Variants in PPM1E observed in about 807,000 individuals in gnomAD.
PPM1E encodes protein phosphatase, Mg2+/Mn2+ dependent 1E.
PPM1E carries 20 observed loss-of-function variants against 65.9 expected under a neutral mutation model. That is an observed-to-expected ratio of 0.30 (90% CI 0.21 to 0.44). The LOEUF (loss-of-function observed/expected upper bound fraction) is 0.44, where lower values mean the gene tolerates loss of function less well. PPM1E is among the 20% of genes least tolerant of loss of function. The pLI is 1.00. For synonymous variants in PPM1E, 352 were observed against 374.9 expected (o/e 0.94, Z 0.70); for missense variants, 713 against 953.1 (o/e 0.75, Z 3.32).
chr17:58,791,917 T>G (rs1406542130), intron 1 of PPM1E, among the ~76,000 whole-genome samples: 1 of 152,156 alleles, frequency 6.6e-6, no homozygotes, highest in Non-Finnish European at 1.5e-5. Flanking sequence ...TCTGCTTAAT[T>G]TCTTTCATTT....
intron 1 of PPM1E, among the ~76,000 whole-genome samples, chr17:58,816,208 T>A (rs1037235711): frequency 1.3e-5 from 2 of 151,906 alleles, no homozygotes; most frequent in African/African-American, 4.8e-5. Context: ...GTATTTTTAG[T>A]AGAGTTGGGG....
chr17:58,915,901 C>A (rs1039398526), intron 1 of PPM1E, among the ~76,000 whole-genome samples: 37 of 152,304 alleles, frequency 2.4e-4, no homozygotes, highest in Middle Eastern at 3.4e-3. Context: ...GGCTAATTCA[C>A]TTAACTCAAT....
chr17:58,838,240 G>A (rs1421515500), intron 1 of PPM1E, among the ~76,000 whole-genome samples: 1 of 152,074 alleles, frequency 6.6e-6, no homozygotes, highest in Non-Finnish European at 1.5e-5. Context: ...GGAGTTAAAA[G>A]GTAAGTCACA....
intron 1 of PPM1E, among the ~76,000 whole-genome samples, chr17:58,777,283 AG>A (rs997561036): frequency 6.6e-6 from 1 of 152,218 alleles, no homozygotes; most frequent in African/African-American, 2.4e-5. Flanking sequence ...AGCATAATTA[AG>A]ATATTTTTAT....
At chr17:58,963,411 G>A (rs1420042582) in intron 2 of PPM1E, among the ~76,000 whole-genome samples, 6 of 147,142 alleles carry the variant, frequency 4.1e-5, no homozygotes, top group African/African-American at 1.0e-4. Context: ...AAACTTGGCC[G>A]GGCACAGTGG....
intron 1 of PPM1E, among the ~76,000 whole-genome samples, chr17:58,829,733 G>C (rs927764681): frequency 5.3e-5 from 8 of 152,062 alleles, no homozygotes; most frequent in Non-Finnish European, 8.8e-5. Context: ...TTTTATAAAA[G>C]ATTCATGGTT....
intron 1 of PPM1E, among the ~76,000 whole-genome samples, chr17:58,816,794 A>ATATT (rs2050429408): frequency 6.0e-5 from 1 of 16,652 alleles, no homozygotes; most frequent in East Asian, 1.6e-3. Context: ...ATATATATAT[A>ATATT]TTTTTTTTTT....
intron 1 of PPM1E, among the ~76,000 whole-genome samples, chr17:58,911,444 T>C (rs879747500): frequency 4.6e-5 from 7 of 152,120 alleles, no homozygotes; most frequent in African/African-American, 9.7e-5. Flanking sequence ...ATACTAAAGA[T>C]TGGAGTAGGC....
chr17:58,979,862 T>A (rs896031794), intron 6 of PPM1E, 112 bp from the exon 7 acceptor site: 2 of 824,136 alleles, frequency 2.4e-6, no homozygotes, highest in African/African-American at 3.4e-5. Context: ...TCCAGTCAAG[T>A]CAGTTCACAA....
intron 1 of PPM1E, among the ~76,000 whole-genome samples, chr17:58,880,897 C>T (rs1409756597): frequency 6.6e-6 from 1 of 151,978 alleles, no homozygotes; most frequent in Non-Finnish European, 1.5e-5. Context: ...TGGTTCACAA[C>T]TTGTGATACC....
chr17:58,983,605 A>G lies in PPM1E; in HGVS notation c.*2574A>G, dbSNP rs1458698019. The G allele has an allele frequency of 6.6e-6, 1 of 152,668 alleles. No individual in the cohort carries two copies. 9.5% of individuals were successfully genotyped at this position (152,668 alleles called of 1,614,324 possible). On this transcript the variant is annotated 3_prime_UTR_variant, in exon 7 of 7. Transcript: ENST00000308249. ...TAATGATGGTGTACCTGGTGATTGT[A>G]AAAATATTAGACAGATATAAAAGTA...
At chr17:58,772,679 GCTAA>G (rs1314918369) in intron 1 of PPM1E, among the ~76,000 whole-genome samples, 1 of 152,090 alleles carries the variant, frequency 6.6e-6, no homozygotes, top group African/African-American at 2.4e-5. Context: ...TACTTGTCTG[GCTAA>G]CTTTTATTTC....
intron 1 of PPM1E, among the ~76,000 whole-genome samples, chr17:58,838,123 G>A (rs2143205018): frequency 6.6e-6 from 1 of 152,288 alleles, no homozygotes; most frequent in African/African-American, 2.4e-5. Flanking sequence ...GAGAAATCTA[G>A]TGACCTTGAG....
intron 1 of PPM1E, among the ~76,000 whole-genome samples, chr17:58,862,667 G>A (rs1182889724): frequency 6.6e-6 from 1 of 152,160 alleles, no homozygotes; most frequent in Non-Finnish European, 1.5e-5. Flanking sequence ...TATATTTTGG[G>A]CAGATGTGTC....
chr17:58,941,137 A>C (rs1175711181), intron 1 of PPM1E, among the ~76,000 whole-genome samples: 2 of 152,240 alleles, frequency 1.3e-5, no homozygotes, highest in Non-Finnish European at 2.9e-5. Context: ...CAGAAAGGTA[A>C]AGATAAGCGA....
At position 58,927,114 on chromosome 17, in the gene PPM1E, CTTTTAAACTTT is replaced by C. The variant is rs1470325700; in HGVS notation, c.465-28530_465-28520del. On this transcript the variant is annotated intron_variant, in intron 1 of 6. Coordinates refer to ENST00000308249, the MANE Select transcript of PPM1E (RefSeq NM_014906.5). Reference sequence around the variant, plus strand: ...ACTTTAGAGATATATTACTTACTGACTTTTAAACTTTTTTTTTTTTTTTTTTTTTTGAGGCA... The same window carrying C: ...ACTTTAGAGATATATTACTTACTGACTTTTTTTTTTTTTTTTTTTGAGGCA... Among the ~76,000 whole-genome samples the C allele has an allele frequency of 9.7e-5, 14 of 143,798 alleles. No homozygotes were observed. In the South Asian group the frequency reaches 2.9e-3, roughly 30 times the overall value. 94.3% of individuals were successfully genotyped at this position (143,798 alleles called of 152,430 possible). A position where few individuals can be genotyped will look rare whatever the true frequency, so the allele number is the denominator to read the frequency against.
At position 58,837,532 on chromosome 17, in the gene PPM1E, C is replaced by T. The variant is rs78301210; in HGVS notation, c.464+81071C>T. 1.8e-3 allele frequency among the ~76,000 whole-genome samples: 267 copies of T among 145,356 alleles called. 3 individuals carry two copies. In the East Asian group the frequency reaches 0.021, roughly 11 times the overall value. On this transcript the variant is annotated intron_variant, in intron 1 of 6. Coordinates refer to ENST00000308249, the MANE Select transcript of PPM1E (RefSeq NM_014906.5). ...TTTTTTTTTAAGACAGAGTCTCACA[C>T]AGTCACCTAGACTAGAGTGCAGTGG...
intron 1 of PPM1E, among the ~76,000 whole-genome samples, chr17:58,775,890 C>CG (rs2049988834): frequency 8.5e-6 from 1 of 117,384 alleles, no homozygotes; most frequent in Non-Finnish European, 1.6e-5. Context: ...GTCCGCAGTC[C>CG]GGCCTGGGCG....
chr17:58,773,411 C>T lies in PPM1E; in HGVS notation c.464+16950C>T, dbSNP rs1483832261. ...TTTTTATTAGTTTAATTTTTCCATCCTTACAGTCTAAAGAGACAGGCTTCA... is the reference window on the plus strand; with the variant it reads ...TTTTTATTAGTTTAATTTTTCCATCTTTACAGTCTAAAGAGACAGGCTTCA... On this transcript the variant is annotated intron_variant, in intron 1 of 6. Coordinates refer to ENST00000308249, the MANE Select transcript of PPM1E (RefSeq NM_014906.5). 2.6e-5 allele frequency among the ~76,000 whole-genome samples: 4 copies of T among 152,060 alleles called. No homozygotes were observed. The East Asian group carries it at 5.8e-4, about 22-fold the overall frequency.
Sources: allele counts gnomAD v4.1 joint callset (sites outside exome capture counted in the v4.1 genomes callset), GRCh38; gene constraint gnomAD v4.1.1; transcripts MANE v1.5; gene names NCBI Gene and HGNC (gene_info 2026-07-23, HGNC 2026-07-21).